PHF20: variants seen among roughly 807,000 people sequenced by gnomAD.
The protein encoded by PHF20 is PHD finger protein 20.
A neutral mutation model predicts 113.5 loss-of-function variants in PHF20; 23 were observed. The ratio of observed to expected loss-of-function variants is 0.20; its 90% CI spans 0.15 to 0.29. The LOEUF (loss-of-function observed/expected upper bound fraction) is 0.29, where lower values mean the gene tolerates loss of function less well. Ranked by LOEUF, PHF20 falls within the 10% of genes least tolerant of loss-of-function variation. The probability of loss-of-function intolerance (pLI) is 1.00; values close to 1 mark genes in which losing one functional copy is unlikely to be tolerated. For missense variants in PHF20, 943 were observed against 1,219.6 expected, an observed-to-expected ratio of 0.77 and a Z score of 3.38; for synonymous variants, 434 against 457.3, an observed-to-expected ratio of 0.95 and a Z score of 0.65.
chr20:35,772,341 G>A (rs1360428929), intron 1 of PHF20, among the ~76,000 whole-genome samples: 3 of 151,050 alleles, frequency 2.0e-5, no homozygotes, highest in African/African-American at 7.3e-5. Context: ...AATCAGCGCC[G>A]CCCGAGGGGG....
chr20:35,842,018 T>C (rs1415688686), intron 2 of PHF20, among the ~76,000 whole-genome samples: 1 of 152,170 alleles, frequency 6.6e-6, no homozygotes, highest in African/African-American at 2.4e-5. Context: ...CCACTTTACA[T>C]GAGGGAACTC....
chr20:35,786,046 C>CA (rs1321493697), intron 1 of PHF20, among the ~76,000 whole-genome samples: 2,846 of 133,118 alleles, frequency 0.021, 23 homozygotes, highest in Middle Eastern at 0.05. Context: ...AAAAAAAAAA[C>CA]AAAAAAAAAA....
chr20:35,847,477 T>A, intron 4 of PHF20, 43 bp downstream of exon 4: 1 of 1,215,804 alleles, frequency 8.2e-7, no homozygotes, highest in Non-Finnish European at 1.2e-6. Context: ...ATGACTTAGG[T>A]GGTGGGGGGG....
intron 2 of PHF20, among the ~76,000 whole-genome samples, chr20:35,829,192 G>A (rs942642471): frequency 1.3e-5 from 2 of 152,210 alleles, no homozygotes; most frequent in African/African-American, 4.8e-5. Context: ...CAGGGCAGAA[G>A]CAGCAGTGCT....
chr20:35,940,747 G>A (rs2147130668), intron 16 of PHF20, 117 bp from the exon 17 acceptor site: 1 of 848,182 alleles, frequency 1.2e-6, no homozygotes, highest in Non-Finnish European at 1.9e-6. Flanking sequence ...AAGGGAGGTA[G>A]GGATTTGGAG....
At chr20:35,772,110 C>G (rs912708568) in intron 1 of PHF20, 31 bp downstream of exon 1, 2 of 149,884 alleles carry the variant, frequency 1.3e-5, no homozygotes, top group African/African-American at 2.4e-5. Flanking sequence ...AGCCGGCCGG[C>G]CGGGCCGGGT....
Position 35,836,029 on chromosome 20 carries a change from G to C in PHF20, c.84-6544G>C, listed in dbSNP as rs1256800025. On this transcript the variant is annotated intron_variant, in intron 2 of 17. Transcript: ENST00000374012. ...AAAATTTATTATTACCTGTTTTTTAGATGGGGGTCTCACTCTGTCCCCAGA... is the reference window on the plus strand; with the variant it reads ...AAAATTTATTATTACCTGTTTTTTACATGGGGGTCTCACTCTGTCCCCAGA... Among the ~76,000 whole-genome samples the C allele has an allele frequency of 2.0e-5, 3 of 150,966 alleles. No individual in the cohort carries two copies. The East Asian group carries it at 5.8e-4, about 29-fold the overall frequency.
chr20:35,773,822 G>T (rs184533314), intron 1 of PHF20, among the ~76,000 whole-genome samples: 207 of 152,216 alleles, frequency 1.4e-3, no homozygotes, highest in Middle Eastern at 0.01. Flanking sequence ...ACTTCTAGAA[G>T]ACCTAAGATT....
Position 35,803,968 on chromosome 20 carries a change from C to T in PHF20, c.83+2363C>T, listed in dbSNP as rs558163416. Reference sequence around the variant, plus strand: ...CTCCTGGGCTCAAGTGATCCTCCTGCCTTAGCCCTCCATGTATCTGGGACT... The same window carrying T: ...CTCCTGGGCTCAAGTGATCCTCCTGTCTTAGCCCTCCATGTATCTGGGACT... On this transcript the variant is annotated intron_variant, in intron 2 of 17. Coordinates refer to ENST00000374012, the MANE Select transcript of PHF20 (RefSeq NM_016436.5). Among the ~76,000 whole-genome samples, 8 of 151,946 alleles carry T rather than the reference C, an allele frequency of 5.3e-5. No homozygotes were observed. In the South Asian group the frequency reaches 1.7e-3, roughly 32 times the overall value.
In PHF20 at chr20:35,842,359, A is replaced by G. The variant is rs558869103; in HGVS notation, c.84-214A>G. Among the ~76,000 whole-genome samples the G allele has an allele frequency of 6.2e-4, 95 of 152,038 alleles. 1 individual carries two copies. Among genetic ancestry groups the G allele is most frequent in the South Asian group, 1.5e-3 (7 of 4,824 alleles). ...TGTCTCAAAAATAAAATAAAATAAA[A>G]TAGTTCATAAACTAAGGAATATGCA... On this transcript the variant is annotated intron_variant, in intron 2 of 17. Transcript: ENST00000374012.
intron 6 of PHF20, among the ~76,000 whole-genome samples, chr20:35,865,650 A>T (rs1443346142): frequency 2.0e-5 from 3 of 151,696 alleles, no homozygotes; most frequent in Non-Finnish European, 1.5e-5. Context: ...CTACAGGCAC[A>T]TGCCACCATG....
chr20:35,889,229 T>G (rs2054800360), intron 9 of PHF20, among the ~76,000 whole-genome samples: 1 of 152,022 alleles, frequency 6.6e-6, no homozygotes, highest in Non-Finnish European at 1.5e-5. Context: ...TTAGCCAGGC[T>G]AGTCTCGAAC....
rs370760962 is a variant in PHF20 at position 35,917,745 on chromosome 20, G to A, written c.2004+83G>A. 4.2e-6 allele frequency: 5 copies of A among 1,192,308 alleles called. No homozygotes were observed. The African/African-American group carries it at 6.1e-5, about 14-fold the overall frequency. 73.9% of individuals were successfully genotyped at this position (1,192,308 alleles called of 1,614,324 possible). ...ATTTTGAGGCCAGCAACAATGGCAA[G>A]TCATAGCAGAGCCCCAGAAACACAG... On this transcript the variant is annotated intron_variant, in intron 13 of 17. Coordinates refer to ENST00000374012, the MANE Select transcript of PHF20 (RefSeq NM_016436.5).
chr20:35,828,254 C>T (rs891717171), intron 2 of PHF20, among the ~76,000 whole-genome samples: 5 of 152,130 alleles, frequency 3.3e-5, no homozygotes, highest in African/African-American at 9.7e-5. Context: ...GAACTCCAGG[C>T]TTCAGGTGAT....
chr20:35,869,478 G>A lies in PHF20; in HGVS notation c.849G>A (p.Leu283=). 1.9e-6 allele frequency: 3 copies of A among 1,611,532 alleles called. No individual in the cohort carries two copies. Among genetic ancestry groups the A allele is most frequent in the Non-Finnish European group, 2.5e-6 (3 of 1,178,550 alleles). Residue 283 remains leucine, a synonymous_variant, in exon 7 of 18, where the codon TTG becomes TTA. Transcript: ENST00000374012. ...SNSQTLQPIT[L]ELRRRKISKG... is the part of the protein sequence containing the mutation. ...CTCAAACTTTGCAACCAATAACATTGGAACTGAGAAGAAGGAAAATATCAA... is the reference window on the plus strand; with the variant it reads ...CTCAAACTTTGCAACCAATAACATTAGAACTGAGAAGAAGGAAAATATCAA...
At chr20:35,947,356 TGG>T in intron 17 of PHF20, 127 bp from the exon 18 acceptor site, 2 of 859,180 alleles carry the variant, frequency 2.3e-6, no homozygotes, top group South Asian at 2.1e-5. Flanking sequence ...CCTTGCCCCA[TGG>T]AGGCTGAAAT....
At position 35,899,635 on chromosome 20, in the gene PHF20, T is replaced by C; in HGVS notation, c.1548T>C (p.Ser516=). ...AGACCCTGACCAGGAAGCGGGTCTC[T>C]GCCAGTTCCCCAAGTAAGTATCTTC... ...SQETLTRKRV[S]ASSPTTKDKE... Residue 516 remains serine (S), a synonymous_variant, in exon 10 of 18, where the codon TCT becomes TCC. Transcript: ENST00000374012. The C allele has an allele frequency of 6.2e-7, 1 of 1,613,916 alleles. No homozygotes were observed.
At chr20:35,827,779 T>C in intron 2 of PHF20, among the ~76,000 whole-genome samples, 1 of 136,440 alleles carries the variant, frequency 7.3e-6, no homozygotes, top group African/African-American at 2.8e-5. Flanking sequence ...CGAGACTCCA[T>C]CTCAGAAAAA....
At chr20:35,920,102 A>G (rs2147095659) in intron 13 of PHF20, among the ~76,000 whole-genome samples, 1 of 152,332 alleles carries the variant, frequency 6.6e-6, no homozygotes, top group Non-Finnish European at 1.5e-5. Context: ...TAAGACCATG[A>G]GATTCCCTCC....
Sources: allele counts gnomAD v4.1 joint callset (sites outside exome capture counted in the v4.1 genomes callset), GRCh38; gene constraint gnomAD v4.1.1; transcripts MANE v1.5; gene names NCBI Gene and HGNC (gene_info 2026-07-23, HGNC 2026-07-21).